LRRFIP1: variants seen among roughly 807,000 people sequenced by gnomAD.
LRRFIP1 encodes LRR binding FLII interacting protein 1, also known as leucine-rich repeat flightless-interacting protein 1.
Under a neutral mutation model 104.4 loss-of-function variants are expected in LRRFIP1, and 62 were observed. The ratio of observed to expected loss-of-function variants is 0.59; its 90% CI spans 0.48 to 0.73. The LOEUF is 0.73. Among genes scored for constraint, LRRFIP1 ranks in the 30% least tolerant of loss-of-function variants. The pLI, the probability that LRRFIP1 is intolerant of heterozygous loss-of-function variation, is 0.00. For synonymous variants in LRRFIP1, 300 were observed against 299.0 expected, an observed-to-expected ratio of 1.00 and a Z score of -0.03; for missense variants, 796 against 824.5, an observed-to-expected ratio of 0.97 and a Z score of 0.42.
At chr2:237,682,589 C>T (rs1052174481) in intron 1 of LRRFIP1, among the ~76,000 whole-genome samples, 1 of 152,212 alleles carries the variant, frequency 6.6e-6, no homozygotes, top group African/African-American at 2.4e-5. Flanking sequence ...AAACCCAGTT[C>T]TTTGATCTTC....
intron 15 of LRRFIP1, among the ~76,000 whole-genome samples, chr2:237,755,351 T>A (rs532434581): frequency 6.6e-6 from 1 of 152,306 alleles, no homozygotes; most frequent in Admixed American, 6.5e-5. Flanking sequence ...TCATGAGAGA[T>A]GCTTTAGTAG....
rs1412534963 is a variant in LRRFIP1 at position 237,711,788 on chromosome 2, C to T, written c.184-2471C>T. ...AGGACACCGAGTGAAGCAGCTCTAC[C>T]GGGGGGTGGGGAAGCCACTCCTTGT... On this transcript the variant is annotated intron_variant, in intron 2 of 23. Coordinates refer to ENST00000308482, the MANE Select transcript of LRRFIP1 (RefSeq NM_001137550.2). The surrounding 1 kb of genome is among the most constrained non-coding windows in gnomAD (Gnocchi z 4.4). Among the ~76,000 whole-genome samples the T allele has an allele frequency of 2.6e-5, 4 of 152,068 alleles. No homozygotes were observed. Among genetic ancestry groups the T allele is most frequent in the Non-Finnish European group, 2.9e-5 (2 of 67,992 alleles).
chr2:237,685,205 TA>T (rs1395100365), intron 1 of LRRFIP1, among the ~76,000 whole-genome samples: 3 of 151,740 alleles, frequency 2.0e-5, no homozygotes, highest in African/African-American at 4.9e-5. Flanking sequence ...CTACTGTGTA[TA>T]GAGGAGGTTA....
Position 237,760,354 on chromosome 2 carries a change from G to A in LRRFIP1, c.1459+149G>A, listed in dbSNP as rs1054648520. 75 of 940,948 alleles carry A rather than the reference G, an allele frequency of 8.0e-5. 1 individual carries two copies. The East Asian group carries it at 2.0e-3, about 25-fold the overall frequency. 58.3% of individuals were successfully genotyped at this position (940,948 alleles called of 1,614,324 possible). On this transcript the variant is annotated intron_variant, in intron 19 of 23. Coordinates refer to ENST00000308482, the MANE Select transcript of LRRFIP1 (RefSeq NM_001137550.2). ...TTCATCACTTCATGGTAATTTCCTT[G>A]CCCACCCGGTGTGGTCACCCACGTG...
At position 237,720,827 on chromosome 2, in the gene LRRFIP1, G is replaced by A. The variant is rs758525310; in HGVS notation, c.345+5G>A. On this transcript the variant is annotated splice_donor_5th_base_variant and intron_variant, in intron 6 of 23. Coordinates refer to ENST00000308482, the MANE Select transcript of LRRFIP1 (RefSeq NM_001137550.2). ...GGTAGTCGTGGAAGCCTGAGGGTCAGTAACCAGAATGATGGAGTTTGCATG... is the reference window on the plus strand; with the variant it reads ...GGTAGTCGTGGAAGCCTGAGGGTCAATAACCAGAATGATGGAGTTTGCATG... 2.5e-6 allele frequency: 4 copies of A among 1,613,774 alleles called. No homozygotes were observed. The highest frequency in any genetic ancestry group is 3.4e-6 in the Non-Finnish European group (4 of 1,179,678).
At chr2:237,755,744 G>A (rs948590860) in intron 15 of LRRFIP1, among the ~76,000 whole-genome samples, 1 of 152,146 alleles carries the variant, frequency 6.6e-6, no homozygotes, top group Non-Finnish European at 1.5e-5. Context: ...GACCAGTTTG[G>A]CCAACATGGT....
At chr2:237,681,367 T>A (rs1485340640) in intron 1 of LRRFIP1, among the ~76,000 whole-genome samples, 1 of 152,144 alleles carries the variant, frequency 6.6e-6, no homozygotes, top group Non-Finnish European at 1.5e-5. Context: ...CACAGTCCTA[T>A]TCTTTTTTTT....
At chr2:237,742,669 T>C (rs773856720) in intron 11 of LRRFIP1, among the ~76,000 whole-genome samples, 18 of 152,254 alleles carry the variant, frequency 1.2e-4, no homozygotes, top group Non-Finnish European at 7.3e-5. Flanking sequence ...CTGGTATATT[T>C]TGGATCTCCT....
At chr2:237,745,333 G>A (rs2057693535) in intron 11 of LRRFIP1, among the ~76,000 whole-genome samples, 1 of 152,180 alleles carries the variant, frequency 6.6e-6, no homozygotes, top group Admixed American at 6.5e-5. Flanking sequence ...ATAGAGATAG[G>A]TTAGACGTTC....
At chr2:237,709,677 C>G (rs2093978792) in intron 2 of LRRFIP1, among the ~76,000 whole-genome samples, 2 of 152,096 alleles carry the variant, frequency 1.3e-5, no homozygotes, top group East Asian at 3.9e-4. Context: ...TGCTCATTGC[C>G]CTCCGCTGCT....
chr2:237,734,151 G>C (rs2095143364), intron 9 of LRRFIP1, among the ~76,000 whole-genome samples: 1 of 152,038 alleles, frequency 6.6e-6, no homozygotes, highest in East Asian at 1.9e-4. Flanking sequence ...TGGTAACCTG[G>C]ACAGATACTA....
At chr2:237,779,316 T>A in intron 23 of LRRFIP1, 106 bp from the exon 24 acceptor site, 1 of 1,453,216 alleles carries the variant, frequency 6.9e-7, no homozygotes, top group Non-Finnish European at 9.1e-7. Context: ...AGGGGCCAAG[T>A]TATCATTTTA....
In LRRFIP1 at chr2:237,735,269, C is replaced by T. The variant is rs1487696875; in HGVS notation, c.491C>T (p.Ala164Val). Residue 164 changes from alanine (A) to valine (V), a missense_variant and splice_region_variant, in exon 10 of 24, where the codon GCG becomes GTG. Transcript: ENST00000308482. The surrounding 1 kb of genome is among the most constrained non-coding windows in gnomAD (Gnocchi z 4.6). Reference sequence around the variant, plus strand: ...CCTGACAGTCTCTTTTGGTCGCAGGCGTCTGTGTTGGATGAAGGCAGCTTC... The same window carrying T: ...CCTGACAGTCTCTTTTGGTCGCAGGTGTCTGTGTTGGATGAAGGCAGCTTC... ...SAARPSGSYRASVLDEGSFGG... is the reference protein window; with the variant it reads ...SAARPSGSYRVSVLDEGSFGG... 14 of 1,613,210 alleles carry T rather than the reference C, an allele frequency of 8.7e-6. No homozygotes were observed. Among genetic ancestry groups the T allele is most frequent in the South Asian group, 5.5e-5 (5 of 91,048 alleles).
rs1267001234 is a variant in LRRFIP1 at position 237,727,941 on chromosome 2, T to C, written c.444+6T>C. 6.3e-7 allele frequency: 1 copy of C among 1,599,324 alleles called. No homozygotes were observed. Among genetic ancestry groups the C allele is most frequent in the Non-Finnish European group, 8.5e-7 (1 of 1,173,276 alleles). ...TGAATAGAAGATCTGGCAGGGTTAG[T>C]ATAGTAAATTTGCATGGCTCAAAAT... On this transcript the variant is annotated splice_donor_region_variant and intron_variant, in intron 8 of 23. Transcript: ENST00000308482.
At chr2:237,629,997 A>C (rs2082125739) in intron 1 of LRRFIP1, among the ~76,000 whole-genome samples, 1 of 152,148 alleles carries the variant, frequency 6.6e-6, no homozygotes, top group African/African-American at 2.4e-5. Flanking sequence ...TCTCGTCTCT[A>C]AAATGGAGAA....
chr2:237,713,730 G>A (rs1023089895), intron 2 of LRRFIP1, among the ~76,000 whole-genome samples: 3 of 152,196 alleles, frequency 2.0e-5, no homozygotes, highest in Non-Finnish European at 2.9e-5. Flanking sequence ...ATATGTCAAT[G>A]TATGATAATA....
chr2:237,701,261 G>A (rs1050275366), intron 1 of LRRFIP1, among the ~76,000 whole-genome samples: 1 of 152,166 alleles, frequency 6.6e-6, no homozygotes, highest in African/African-American at 2.4e-5. Context: ...ATGATCTTCT[G>A]GTAGGAGCCA....
chr2:237,689,994 A>G (rs111368079), intron 1 of LRRFIP1, among the ~76,000 whole-genome samples: 2 of 152,326 alleles, frequency 1.3e-5, no homozygotes, highest in African/African-American at 2.4e-5. Context: ...AACTTGCTCA[A>G]TATCCCTTAG....
intron 15 of LRRFIP1, 93 bp downstream of exon 15, chr2:237,753,572 G>A: frequency 9.3e-7 from 1 of 1,080,544 alleles, no homozygotes; most frequent in Non-Finnish European, 1.3e-6. Context: ...AAGGTGGGAG[G>A]ATTACTTGAG....
Sources: allele counts gnomAD v4.1 joint callset (sites outside exome capture counted in the v4.1 genomes callset), GRCh38; gene constraint gnomAD v4.1.1; non-coding constraint Gnocchi (gnomAD v3.1); transcripts MANE v1.5; gene names NCBI Gene and HGNC (gene_info 2026-07-23, HGNC 2026-07-21).